MTR: variants seen among roughly 807,000 people sequenced by gnomAD.
MTR encodes 5-methyltetrahydrofolate-homocysteine methyltransferase.
In MTR, 84 loss-of-function variants were observed where a neutral mutation model predicts 154.8. The observed-to-expected ratio is 0.54, with a 90% CI of 0.45 to 0.65. MTR has a LOEUF of 0.65. Ranked by LOEUF, MTR falls within the 30% of genes least tolerant of loss-of-function variation. MTR has a pLI of 0.00. For synonymous variants in MTR, 554 were observed against 553.9 expected (o/e 1.00, Z 0.00); for missense variants, 1,275 against 1,570.2 (o/e 0.81, Z 3.18).
chr1:236,803,238 C>T (rs1347610848), intron 1 of MTR, among the ~76,000 whole-genome samples, 190 bp from the exon 2 acceptor site: 9 of 152,146 alleles, frequency 5.9e-5, no homozygotes, highest in African/African-American at 2.2e-4. Context: ...TGTGTGCAAT[C>T]TTGTATTAGG....
intron 4 of MTR, 39 bp from the exon 5 acceptor site, chr1:236,810,464 C>A (rs1661229910): frequency 1.3e-6 from 2 of 1,523,772 alleles, no homozygotes; most frequent in Non-Finnish European, 1.8e-6. Context: ...AAATGTTCAG[C>A]CACTTAGAGA....
At chr1:236,893,270 A>G (rs571645942) in intron 29 of MTR, among the ~76,000 whole-genome samples, 2 of 151,848 alleles carry the variant, frequency 1.3e-5, no homozygotes, top group South Asian at 4.2e-4. Flanking sequence ...ATTACCAAAC[A>G]CCTCCTCGCC....
chr1:236,816,541 C>G lies in MTR; in HGVS notation c.762C>G (p.Leu254=). 1 of 1,613,264 alleles carries G rather than the reference C, an allele frequency of 6.2e-7. No homozygotes were observed. The highest frequency in any genetic ancestry group is 8.5e-7 in the Non-Finnish European group (1 of 1,179,210). Residue 254 remains leucine (L), a splice_region_variant and synonymous_variant, in exon 8 of 33, where the codon CTC becomes CTG. Coordinates refer to ENST00000366577, the MANE Select transcript of MTR (RefSeq NM_000254.3). ...FVISVSHGEP[L]CIGLNCALGA... Reference sequence around the variant, plus strand: ...TCAGCGTGTCTCATGGAGAACCACTCTGGTGAGTGATCCATCTTTCTGTAA... The same window carrying G: ...TCAGCGTGTCTCATGGAGAACCACTGTGGTGAGTGATCCATCTTTCTGTAA...
intron 25 of MTR, among the ~76,000 whole-genome samples, chr1:236,882,415 G>T (rs556552784): frequency 6.8e-6 from 1 of 148,146 alleles, no homozygotes; most frequent in East Asian, 2.0e-4. Flanking sequence ...TTTTGAGACG[G>T]ATTGTTGCCC....
Position 236,894,557 on chromosome 1 carries a change from G to A in MTR, c.3405G>A (p.Glu1135=). 1 of 1,614,042 alleles carries A rather than the reference G, an allele frequency of 6.2e-7. No individual in the cohort carries two copies. ...AGGCGCTGGGGGACCGGCTGGCAGA[G>A]GTAAGGCAGAGGCATTGCGCCGAGG... The part of the protein sequence containing the change: ...MVKALGDRLA[E]AFAEELHERV... The change falls in exon 30 of 33, where the codon GAG becomes GAA. Residue 1135 remains glutamate, a splice_region_variant and synonymous_variant. Transcript: ENST00000366577.
intron 24 of MTR, among the ~76,000 whole-genome samples, chr1:236,878,952 A>C (rs1477422821): frequency 6.6e-6 from 1 of 152,204 alleles, no homozygotes; most frequent in African/African-American, 2.4e-5. Context: ...CAGTTCTCAT[A>C]GCCTAAGGCT....
intron 30 of MTR, 92 bp from the exon 31 acceptor site, chr1:236,895,266 G>A (rs1278426988): frequency 2.9e-6 from 4 of 1,362,530 alleles, no homozygotes; most frequent in East Asian, 2.5e-5. Flanking sequence ...GAGGGAGGGT[G>A]TCCTCATGGT....
intron 27 of MTR, among the ~76,000 whole-genome samples, chr1:236,888,635 A>C (rs1401685204): frequency 6.6e-6 from 1 of 152,116 alleles, no homozygotes; most frequent in East Asian, 1.9e-4. Context: ...AGAGTGGAGG[A>C]TTATGTATTG....
intron 19 of MTR, among the ~76,000 whole-genome samples, chr1:236,860,369 CAT>C (rs1375443700): frequency 3.3e-5 from 5 of 151,480 alleles, no homozygotes; most frequent in East Asian, 1.9e-4. Context: ...TCAGTTTCCT[CAT>C]GTGTGAGTCT....
intron 9 of MTR, among the ~76,000 whole-genome samples, chr1:236,825,103 A>G (rs1415950205): frequency 1.3e-5 from 2 of 150,228 alleles, no homozygotes; most frequent in Admixed American, 6.6e-5. Flanking sequence ...TTTTCTTTCA[A>G]ACGGAAAAGA....
chr1:236,836,530 C>T (rs899986910), intron 14 of MTR, among the ~76,000 whole-genome samples: 3 of 152,200 alleles, frequency 2.0e-5, no homozygotes, highest in Non-Finnish European at 1.5e-5. Context: ...GCCATTGTGC[C>T]TGGCAGGAAG....
intron 4 of MTR, among the ~76,000 whole-genome samples, 155 bp downstream of exon 4, chr1:236,808,928 G>A (rs1661143284): frequency 6.6e-6 from 1 of 152,162 alleles, no homozygotes; most frequent in African/African-American, 2.4e-5. Flanking sequence ...TTACTTCTCT[G>A]CAGTTTCATA....
At chr1:236,886,001 T>TA (rs1272975826) in intron 26 of MTR, among the ~76,000 whole-genome samples, 1 of 152,182 alleles carries the variant, frequency 6.6e-6, no homozygotes, top group Non-Finnish European at 1.5e-5. Flanking sequence ...TCAGGTGTTC[T>TA]AAAAGTACAG....
At chr1:236,859,735 A>G in intron 18 of MTR, 98 bp from the exon 19 acceptor site, 1 of 949,528 alleles carries the variant, frequency 1.1e-6, no homozygotes. Flanking sequence ...TAAAAGAAGA[A>G]TAAGACACAG....
intron 6 of MTR, among the ~76,000 whole-genome samples, chr1:236,813,281 G>A (rs748399335): frequency 1.8e-4 from 27 of 152,168 alleles, no homozygotes; most frequent in Non-Finnish European, 3.2e-4. Flanking sequence ...GTGTGTATGT[G>A]TGTGTTTGTG....
chr1:236,885,733 T>C (rs1485518353), intron 26 of MTR, among the ~76,000 whole-genome samples: 1 of 152,340 alleles, frequency 6.6e-6, no homozygotes, highest in African/African-American at 2.4e-5. Flanking sequence ...TAATTAGGCT[T>C]TGGAAGTCAC....
chr1:236,843,543 A>G (rs1663387928), intron 15 of MTR, among the ~76,000 whole-genome samples: 1 of 152,212 alleles, frequency 6.6e-6, no homozygotes, highest in South Asian at 2.1e-4. Flanking sequence ...ACTTATGTTT[A>G]AACCTCTCTG....
chr1:236,816,862 G>T (rs1164450873), intron 8 of MTR, among the ~76,000 whole-genome samples: 1 of 152,148 alleles, frequency 6.6e-6, no homozygotes, highest in Non-Finnish European at 1.5e-5. Flanking sequence ...GCAACCAGAA[G>T]CAATCTGTCA....
At chr1:236,897,497 A>G in intron 32 of MTR, 61 bp from the exon 33 acceptor site, 1 of 1,491,204 alleles carries the variant, frequency 6.7e-7, no homozygotes, top group African/African-American at 1.4e-5. Context: ...AATCTTGTGG[A>G]AACTTCTATT....
Sources: allele counts gnomAD v4.1 joint callset (sites outside exome capture counted in the v4.1 genomes callset), GRCh38; gene constraint gnomAD v4.1.1; transcripts MANE v1.5; gene names NCBI Gene and HGNC (gene_info 2026-07-23, HGNC 2026-07-21).